BPIFB4: variants seen among roughly 807,000 people sequenced by gnomAD.
BPIFB4 encodes BPI fold-containing family B member 4.
In BPIFB4, 62 loss-of-function variants were observed where a neutral mutation model predicts 69.2. The ratio of observed to expected loss-of-function variants is 0.90; its 90% CI spans 0.73 to 1.11. BPIFB4 has a LOEUF of 1.11. Among genes scored for constraint, BPIFB4 ranks in the 50% least tolerant of loss-of-function variants. The probability of loss-of-function intolerance (pLI) is 0.00; values close to 1 mark genes in which losing one functional copy is unlikely to be tolerated. For synonymous variants in BPIFB4, 330 were observed against 332.7 expected (o/e 0.99, Z 0.09); for missense variants, 789 against 792.0 (o/e 1.00, Z 0.04).
intron 15 of BPIFB4, among the ~76,000 whole-genome samples, chr20:33,103,300 C>T (rs540446897): frequency 6.6e-6 from 1 of 152,106 alleles, no homozygotes; most frequent in Admixed American, 6.5e-5. Context: ...TGGCCCAAAT[C>T]GCTCCATTTC....
intron 17 of BPIFB4, among the ~76,000 whole-genome samples, chr20:33,109,961 A>C (rs1982188904): frequency 6.6e-6 from 1 of 152,190 alleles, no homozygotes; most frequent in Admixed American, 6.5e-5. Context: ...TTTTAGGCAC[A>C]CAGAAAAGTT....
chr20:33,096,521 C>A (rs1981758432), intron 12 of BPIFB4, among the ~76,000 whole-genome samples: 1 of 152,194 alleles, frequency 6.6e-6, no homozygotes, highest in South Asian at 2.1e-4. Context: ...GTGATCTGCC[C>A]ACCTCGGCCT....
In BPIFB4 at chr20:33,083,654, C is replaced by G; in HGVS notation, c.457C>G (p.Gln153Glu). The change falls in exon 5 of 18, where the codon CAG becomes GAG. Residue 153 changes from glutamine (Q) to glutamate (E), a missense_variant. This residue lies in a region of BPIFB4 where 611 missense variants were observed against 575.4 expected (regional missense o/e 1.06). Transcript: ENST00000375483. ...PVGRLHRRELQPGEIPPGVAT... is the reference protein window; with the variant it reads ...PVGRLHRRELEPGEIPPGVAT... ...GGGCAGGCTTCACCGGCGAGAGCTG[C>G]AGCCTGGAGAAATCCCACCTGGAGT... is the stretch of plus-strand genomic sequence containing the variant. 6.2e-7 allele frequency: 1 copy of G among 1,614,104 alleles called. No individual in the cohort carries two copies. Among genetic ancestry groups the G allele is most frequent in the East Asian group, 2.2e-5 (1 of 44,850 alleles).
intron 12 of BPIFB4, among the ~76,000 whole-genome samples, chr20:33,096,724 C>T (rs954439781): frequency 6.6e-6 from 1 of 152,160 alleles, no homozygotes; most frequent in African/African-American, 2.4e-5. Flanking sequence ...GGACTGAGTC[C>T]TCAGTGGCGC....
In BPIFB4 at chr20:33,089,558, T is replaced by G; in HGVS notation, c.1051T>G (p.Ser351Ala). The G allele has an allele frequency of 6.2e-7, 1 of 1,614,210 alleles. No individual in the cohort carries two copies. Among genetic ancestry groups the G allele is most frequent in the African/African-American group, 1.3e-5 (1 of 75,050 alleles). ...LVNDQLGLVD[S>A]LIPLGILGSV... ...CAATGACCAGCTGGGCCTCGTGGAT[T>G]GTAAGTCCAATACACTTTCTCCAGC... is the stretch of plus-strand genomic sequence containing the variant. Residue 351 changes from serine (S) to alanine (A), a missense_variant and splice_region_variant, in exon 9 of 18, where the codon TCT becomes GCT. Ser to Ala is a moderately conservative substitution (Grantham distance 99). Around this residue, in one of 3 missense-constraint regions of BPIFB4, gnomAD observed 611 missense variants for 575.4 expected, o/e 1.06. Transcript: ENST00000375483.
intron 17 of BPIFB4, among the ~76,000 whole-genome samples, chr20:33,108,217 C>G (rs1982125816): frequency 6.6e-6 from 1 of 152,064 alleles, no homozygotes; most frequent in Admixed American, 6.5e-5. Flanking sequence ...ACAACCCTGG[C>G]CCTTGCAAAG....
chr20:33,105,008 T>C, intron 16 of BPIFB4, 135 bp downstream of exon 16: 2 of 855,850 alleles, frequency 2.3e-6, no homozygotes, highest in Non-Finnish European at 3.5e-6. Context: ...AGCGTGTCGA[T>C]GAAAGCCTCC....
chr20:33,091,607 T>G (rs917383257), intron 10 of BPIFB4, among the ~76,000 whole-genome samples: 3 of 152,266 alleles, frequency 2.0e-5, no homozygotes, highest in African/African-American at 7.2e-5. Context: ...CCAGCACCTG[T>G]GCATGCACAC....
Position 33,105,137 on chromosome 20 carries a change from T to G in BPIFB4, c.1744+264T>G, listed in dbSNP as rs150530948. On this transcript the variant is annotated intron_variant, in intron 16 of 17. Coordinates refer to ENST00000375483, the MANE Select transcript of BPIFB4 (RefSeq NM_182519.3). ...ATTCCGATTATGTATTAACATTGTG[T>G]GTGTGCAAGTTTTAGAAAATATAAA... Among the ~76,000 whole-genome samples the G allele has an allele frequency of 6.6e-3, 1,008 of 152,294 alleles. 15 individuals carry two copies. The highest frequency in any genetic ancestry group is 0.023 in the African/African-American group (938 of 41,560).
intron 16 of BPIFB4, among the ~76,000 whole-genome samples, chr20:33,105,419 C>G (rs368556430): frequency 4.6e-5 from 7 of 152,272 alleles, no homozygotes; most frequent in East Asian, 3.9e-4. Flanking sequence ...AATCTGCCCC[C>G]CTAGGGAACC....
At chr20:33,085,736 C>G (rs117005991) in intron 6 of BPIFB4, among the ~76,000 whole-genome samples, 1 of 152,150 alleles carries the variant, frequency 6.6e-6, no homozygotes, top group Non-Finnish European at 1.5e-5. Flanking sequence ...GACTTATCCC[C>G]GTGGGATGAG....
chr20:33,088,954 C>T lies in BPIFB4; in HGVS notation c.927-12C>T. 1 of 1,613,678 alleles carries T rather than the reference C, an allele frequency of 6.2e-7. No individual in the cohort carries two copies. Among genetic ancestry groups the T allele is most frequent in the Non-Finnish European group, 8.5e-7 (1 of 1,179,642 alleles). ...TGCGAGCCTTGACCTCATCCTGCTC[C>T]TGTCTCCTTAGGCTTCTCCCCAATC... On this transcript the variant is annotated splice_polypyrimidine_tract_variant and intron_variant, in intron 7 of 17. Coordinates refer to ENST00000375483, the MANE Select transcript of BPIFB4 (RefSeq NM_182519.3).
chr20:33,100,782 G>A (rs577593746), intron 14 of BPIFB4, among the ~76,000 whole-genome samples: 4 of 152,350 alleles, frequency 2.6e-5, no homozygotes, highest in South Asian at 2.1e-4. Context: ...TTGGGAGGCC[G>A]AGGCTGGAGG....
intron 5 of BPIFB4, among the ~76,000 whole-genome samples, 156 bp from the exon 6 acceptor site, chr20:33,084,736 T>C (rs1981365947): frequency 6.6e-6 from 1 of 152,230 alleles, no homozygotes; most frequent in African/African-American, 2.4e-5. Flanking sequence ...AATTTCTCTG[T>C]TTTCCACATT....
intron 11 of BPIFB4, among the ~76,000 whole-genome samples, chr20:33,093,086 T>C (rs1981654890): frequency 6.6e-6 from 1 of 152,220 alleles, no homozygotes; most frequent in South Asian, 2.1e-4. Flanking sequence ...CTTTTTCTTT[T>C]GAAAACTTTC....
intron 16 of BPIFB4, 115 bp downstream of exon 16, chr20:33,104,988 C>G (rs533126136): frequency 9.2e-7 from 1 of 1,085,302 alleles, no homozygotes; most frequent in African/African-American, 1.6e-5. Flanking sequence ...TTTCTGAGCA[C>G]TTCCTTTGAA....
intron 13 of BPIFB4, among the ~76,000 whole-genome samples, chr20:33,099,849 C>A (rs150354213): frequency 4.9e-4 from 74 of 152,108 alleles, no homozygotes; most frequent in African/African-American, 1.7e-3. Flanking sequence ...TTCATAAAGC[C>A]AACTTTTAAA....
intron 7 of BPIFB4, among the ~76,000 whole-genome samples, chr20:33,088,513 C>T (rs1251742755): frequency 6.6e-6 from 1 of 152,068 alleles, no homozygotes; most frequent in African/African-American, 2.4e-5. Context: ...TTTCTCCTTC[C>T]CTCCCTTCCA....
In BPIFB4 at chr20:33,084,987, A is replaced by G; in HGVS notation, c.773A>G (p.Asn258Ser). ...AGCTTGTACACCCGTGTGGCCATCA[A>G]CGGGAAGAGGTGCGTGCCCTTGGCC... Reference protein sequence around the residue: ...YLSLYTRVAINGKSLIGFLDI... With the variant: ...YLSLYTRVAISGKSLIGFLDI... The change falls in exon 6 of 18, where the codon AAC (asparagine) becomes AGC (serine). Residue 258 changes from asparagine (N) to serine (S), a missense_variant. By Grantham distance (46) the Asn-to-Ser change is conservative. Transcript: ENST00000375483. 1 of 1,611,962 alleles carries G rather than the reference A, an allele frequency of 6.2e-7. No individual in the cohort carries two copies.
Sources: allele counts gnomAD v4.1 joint callset (sites outside exome capture counted in the v4.1 genomes callset), GRCh38; gene constraint gnomAD v4.1.1; regional missense constraint gnomAD v4.1.1; transcripts MANE v1.5; gene names NCBI Gene and HGNC (gene_info 2026-07-23, HGNC 2026-07-21).